The following FBXL13 variants were observed in gnomAD, a reference collection of about 807,000 sequenced individuals.
FBXL13 encodes F-box and leucine-rich repeat protein 13.
Under a neutral mutation model 83.6 loss-of-function variants are expected in FBXL13, and 67 were observed. The observed-to-expected ratio is 0.80, with a 90% CI of 0.66 to 0.98. FBXL13 has a LOEUF of 0.98. Ranked by LOEUF, FBXL13 falls within the 50% of genes least tolerant of loss-of-function variation. The probability of loss-of-function intolerance (pLI) is 0.00; values close to 1 mark genes in which losing one functional copy is unlikely to be tolerated. For synonymous variants in FBXL13, 272 were observed against 299.5 expected (o/e 0.91, Z 0.95); for missense variants, 822 against 866.5 (o/e 0.95, Z 0.64).
intron 8 of FBXL13, among the ~76,000 whole-genome samples, chr7:102,947,981 T>C (rs1230158112): frequency 1.3e-5 from 2 of 152,134 alleles, no homozygotes; most frequent in Non-Finnish European, 2.9e-5. Flanking sequence ...GCCTATGCCC[T>C]GGATCAATTC....
At chr7:102,885,464 G>T (rs1309665349) in intron 11 of FBXL13, among the ~76,000 whole-genome samples, 2 of 151,618 alleles carry the variant, frequency 1.3e-5, no homozygotes, top group African/African-American at 2.4e-5. Context: ...TTTTAGTTGG[G>T]TTGTTTGTCT....
chr7:103,073,024 C>T (rs77743165), intron 1 of FBXL13, among the ~76,000 whole-genome samples: 5,934 of 152,262 alleles, frequency 0.039, 154 homozygotes, highest in East Asian at 0.15. Flanking sequence ...ATTCTCCCTA[C>T]ATATTTTCAA....
chr7:102,944,504 A>G (rs1822093763), intron 8 of FBXL13: 1 of 1,614,122 alleles, frequency 6.2e-7, no homozygotes, highest in Non-Finnish European at 8.5e-7. Flanking sequence ...TTACCAGCAT[A>G]TCCTGAGTCA....
intron 11 of FBXL13, among the ~76,000 whole-genome samples, chr7:102,889,130 C>T (rs1811186047): frequency 6.6e-6 from 1 of 152,154 alleles, no homozygotes; most frequent in South Asian, 2.1e-4. Context: ...AGTAGGGGGT[C>T]TTGAGAACTC....
exon 19 of FBXL13, chr7:102,822,124 A>C: frequency 6.2e-7 from 1 of 1,614,248 alleles, no homozygotes; most frequent in African/African-American, 1.3e-5. Flanking sequence ...TTGGTCAGTA[A>C]GCAAGACACA....
Position 102,941,598 on chromosome 7 carries a change from C to T in FBXL13, c.725-9665G>A, listed in dbSNP as rs1307613015. Among the ~76,000 whole-genome samples the T allele has an allele frequency of 2.6e-5, 4 of 152,032 alleles. No individual in the cohort carries two copies. In the East Asian group the frequency reaches 7.7e-4, roughly 29 times the overall value. On this transcript the variant is annotated intron_variant, in intron 8 of 19. Transcript: ENST00000313221. ...TGTCTAGGCAGCGGGCAAGGTGAAC[C>T]CATTGGATGGCTACAAACTAAAGAA...
chr7:102,983,572 A>G (rs1301409711), intron 6 of FBXL13, among the ~76,000 whole-genome samples: 1 of 151,906 alleles, frequency 6.6e-6, no homozygotes, highest in Non-Finnish European at 1.5e-5. Flanking sequence ...AGTGCCTACC[A>G]CAATGCCCAG....
intron 18 of FBXL13, among the ~76,000 whole-genome samples, chr7:102,826,752 T>C (rs1211302526): frequency 1.8e-5 from 2 of 114,264 alleles, no homozygotes; most frequent in African/African-American, 6.8e-5. Context: ...TATATATATA[T>C]ATATATATAT....
intron 11 of FBXL13, among the ~76,000 whole-genome samples, chr7:102,886,937 A>C (rs1810876353): frequency 6.6e-6 from 1 of 152,090 alleles, no homozygotes; most frequent in African/African-American, 2.4e-5. Flanking sequence ...ATTTTTCTAC[A>C]TTTCTAGTAT....
chr7:102,832,304 G>C (rs1377174910), intron 18 of FBXL13, among the ~76,000 whole-genome samples: 1 of 152,196 alleles, frequency 6.6e-6, no homozygotes, highest in East Asian at 1.9e-4. Context: ...CCTACCTGGA[G>C]AATTCTATAG....
At chr7:103,014,903 G>A (rs1378973268) in intron 6 of FBXL13, among the ~76,000 whole-genome samples, 2 of 119,130 alleles carry the variant, frequency 1.7e-5, no homozygotes, top group African/African-American at 6.5e-5. Context: ...CAGCCTGGGC[G>A]ACAGGGAGAC....
chr7:102,817,448 G>T (rs1226170830), intron 19 of FBXL13, among the ~76,000 whole-genome samples: 1 of 152,000 alleles, frequency 6.6e-6, no homozygotes, highest in Non-Finnish European at 1.5e-5. Flanking sequence ...ACTTTTTAAT[G>T]GGCTTATTTG....
At chr7:103,024,857 ATT>A (rs1209398568) in intron 6 of FBXL13, among the ~76,000 whole-genome samples, 2,098 of 62,400 alleles carry the variant, frequency 0.034, 10 homozygotes, top group Non-Finnish European at 0.044. Context: ...ATATATATAT[ATT>A]TTTTTTTTTT....
At chr7:102,869,964 C>T (rs1563020423) in intron 16 of FBXL13, among the ~76,000 whole-genome samples, 1 of 152,164 alleles carries the variant, frequency 6.6e-6, no homozygotes, top group Non-Finnish European at 1.5e-5. Flanking sequence ...GATGATTAGA[C>T]TCTATCAATG....
At chr7:102,909,267 C>T (rs897722366) in intron 11 of FBXL13, among the ~76,000 whole-genome samples, 1 of 151,986 alleles carries the variant, frequency 6.6e-6, no homozygotes, top group Admixed American at 6.5e-5. Context: ...GTGAATGCTG[C>T]CTCACCTGGG....
At chr7:103,005,801 G>A (rs1790929612) in intron 6 of FBXL13, among the ~76,000 whole-genome samples, 1 of 152,006 alleles carries the variant, frequency 6.6e-6, no homozygotes, top group African/African-American at 2.4e-5. Context: ...TGTGAATTTT[G>A]AGGGGACACA....
At chr7:102,882,317 T>C (rs920288238) in intron 14 of FBXL13, among the ~76,000 whole-genome samples, 2 of 152,218 alleles carry the variant, frequency 1.3e-5, no homozygotes, top group African/African-American at 2.4e-5. Flanking sequence ...TGACTTGTGC[T>C]TTCCCAAATA....
chr7:102,847,350 A>C (rs560548358), intron 17 of FBXL13, among the ~76,000 whole-genome samples: 73 of 152,346 alleles, frequency 4.8e-4, no homozygotes, highest in African/African-American at 1.7e-3. Context: ...ATTGGAATAA[A>C]AATTAGGACT....
chr7:103,046,215 C>G (rs774210131), intron 2 of FBXL13, among the ~76,000 whole-genome samples: 58 of 152,162 alleles, frequency 3.8e-4, no homozygotes, highest in Non-Finnish European at 3.8e-4. Context: ...ATGTATTTCT[C>G]CATAGGCCAC....
Sources: allele counts gnomAD v4.1 joint callset (sites outside exome capture counted in the v4.1 genomes callset), GRCh38; gene constraint gnomAD v4.1.1; transcripts MANE v1.5; gene names NCBI Gene and HGNC (gene_info 2026-07-23, HGNC 2026-07-21).